NKAIN3: variants seen among roughly 807,000 people sequenced by gnomAD.
NKAIN3 encodes the protein sodium/potassium-transporting ATPase subunit beta-1-interacting protein 3.
In NKAIN3, 25 loss-of-function variants were observed where a neutral mutation model predicts 30.2. The observed-to-expected ratio is 0.83, with a 90% confidence interval of 0.60 to 1.16. The LOEUF (loss-of-function observed/expected upper bound fraction) is 1.16. NKAIN3 is among the 50% of genes most tolerant of loss of function. The probability of loss-of-function intolerance (pLI) is 0.00; values close to 1 mark genes in which losing one functional copy is unlikely to be tolerated. For missense variants in NKAIN3, 225 were observed against 254.1 expected (o/e 0.89, Z 0.78); for synonymous variants, 91 against 89.6 (o/e 1.02, Z -0.09).
intron 1 of NKAIN3, among the ~76,000 whole-genome samples, chr8:62,303,605 C>T (rs1352347348): frequency 6.7e-6 from 1 of 150,302 alleles, no homozygotes; most frequent in East Asian, 1.9e-4. Context: ...ACAGACAATC[C>T]ACTTTATTGC....
At chr8:62,447,165 G>A (rs1227910850) in intron 1 of NKAIN3, among the ~76,000 whole-genome samples, 2 of 151,914 alleles carry the variant, frequency 1.3e-5, no homozygotes. Context: ...AGACAAAATC[G>A]GCACAAAACA....
At chr8:62,860,468 T>G (rs1820207022) in intron 4 of NKAIN3, among the ~76,000 whole-genome samples, 1 of 152,238 alleles carries the variant, frequency 6.6e-6, no homozygotes, top group South Asian at 2.1e-4. Flanking sequence ...TGCTTTTTTC[T>G]CCCTCGCTTC....
At chr8:62,540,917 T>C (rs1808817018) in intron 1 of NKAIN3, among the ~76,000 whole-genome samples, 1 of 152,188 alleles carries the variant, frequency 6.6e-6, no homozygotes, top group African/African-American at 2.4e-5. Flanking sequence ...ATCATTCAAA[T>C]GGGAGTTTGG....
At position 62,579,655 on chromosome 8, in the gene NKAIN3, C is replaced by T; in HGVS notation, c.171C>T (p.Tyr57=). The T allele has an allele frequency of 6.4e-7, 1 of 1,561,662 alleles. No individual in the cohort carries two copies. The highest frequency in any genetic ancestry group is 8.7e-7 in the Non-Finnish European group (1 of 1,152,304). The stretch of plus-strand genomic sequence containing the variant: ...TGGGTTTGTTTGGGACCATTCAGTA[C>T]AGACCTCGATACATAATGGTGGTAA... The part of the protein sequence containing the change: ...VILGLFGTIQ[Y]RPRYIMVYTV... The change falls in exon 2 of 7, where the codon TAC becomes TAT. Residue 57 remains tyrosine (Y), a synonymous_variant. Coordinates refer to ENST00000623646, the MANE Select transcript of NKAIN3 (RefSeq NM_001304533.3).
At chr8:62,404,105 T>C (rs1803980592) in intron 1 of NKAIN3, among the ~76,000 whole-genome samples, 1 of 152,236 alleles carries the variant, frequency 6.6e-6, no homozygotes, top group African/African-American at 2.4e-5. Flanking sequence ...CCCCTTTGTT[T>C]TGGCCAATTT....
At chr8:62,705,311 TGA>T (rs1814483149) in intron 3 of NKAIN3, among the ~76,000 whole-genome samples, 1 of 152,190 alleles carries the variant, frequency 6.6e-6, no homozygotes, top group African/African-American at 2.4e-5. Context: ...TTTGAGGAAC[TGA>T]GAGAGTTTAA....
rs1224044371 is a variant in NKAIN3 at position 62,966,021 on chromosome 8, T to G, written c.*614T>G. 2 of 984,690 alleles carry G rather than the reference T, an allele frequency of 2.0e-6. No individual in the cohort carries two copies. Among genetic ancestry groups the G allele is most frequent in the Admixed American group, 6.2e-5 (1 of 16,260 alleles). 61.0% of individuals were successfully genotyped at this position (984,690 alleles called of 1,614,324 possible). A position where few individuals can be genotyped will look rare whatever the true frequency, so the allele number is the denominator to read the frequency against. The stretch of plus-strand genomic sequence containing the variant: ...CAATCTAAATTTTCAGATTCGTGCA[T>G]ATCTTGTTTTTCCTGATATATATAT... On this transcript the variant is annotated 3_prime_UTR_variant, in exon 7 of 7. Coordinates refer to ENST00000623646, the MANE Select transcript of NKAIN3 (RefSeq NM_001304533.3).
chr8:62,917,525 C>T (rs2130856920), intron 4 of NKAIN3, among the ~76,000 whole-genome samples: 1 of 152,320 alleles, frequency 6.6e-6, no homozygotes, highest in African/African-American at 2.4e-5. Flanking sequence ...TTCACATGGG[C>T]AGTCAAAAGC....
intron 4 of NKAIN3, among the ~76,000 whole-genome samples, chr8:62,832,264 C>A (rs1212220566): frequency 1.2e-5 from 1 of 82,626 alleles, no homozygotes; most frequent in Non-Finnish European, 2.6e-5. Flanking sequence ...AACAGACACA[C>A]ACACACACAC....
intron 1 of NKAIN3, among the ~76,000 whole-genome samples, chr8:62,419,409 AG>A (rs1804561716): frequency 1.3e-5 from 2 of 152,176 alleles, no homozygotes; most frequent in African/African-American, 4.8e-5. Context: ...TCTCCCACCC[AG>A]GAAAGAACTC....
chr8:62,872,856 C>T (rs1044065320), intron 4 of NKAIN3, among the ~76,000 whole-genome samples: 2 of 152,008 alleles, frequency 1.3e-5, no homozygotes, highest in African/African-American at 4.8e-5. Context: ...TTCAAGAGCT[C>T]CTGAAAGCAC....
At chr8:62,997,214 A>G (rs10099792) in intron 5 of NKAIN3, among the ~76,000 whole-genome samples, 13,951 of 152,300 alleles carry the variant, frequency 0.092, 896 homozygotes, top group East Asian at 0.21. Flanking sequence ...TTTGGAAAAA[A>G]GTTGCTTCTG....
At chr8:62,258,106 T>C (rs1442147492) in intron 1 of NKAIN3, among the ~76,000 whole-genome samples, 1 of 152,188 alleles carries the variant, frequency 6.6e-6, no homozygotes, top group Non-Finnish European at 1.5e-5. Flanking sequence ...TTTCAGTCTC[T>C]AGGATTGGAA....
At chr8:62,487,895 CAA>C (rs1585863202) in intron 1 of NKAIN3, among the ~76,000 whole-genome samples, 1 of 152,086 alleles carries the variant, frequency 6.6e-6, no homozygotes, top group Non-Finnish European at 1.5e-5. Context: ...AGGAAAATGA[CAA>C]AGAGTAAATC....
rs1038487073 is a variant in NKAIN3 at position 62,970,789 on chromosome 8, G to A, written c.*5382G>A. On this transcript the variant is annotated 3_prime_UTR_variant, in exon 7 of 7. Transcript: ENST00000623646. ...GTTTCTTTGATTGACTAAAAACATT[G>A]AATCATTTTCCATGTAAGGCATGTT... 6.6e-5 allele frequency among the ~76,000 whole-genome samples: 10 copies of A among 152,104 alleles called. No individual in the cohort carries two copies. Among genetic ancestry groups the A allele is most frequent in the Admixed American group, 3.9e-4 (6 of 15,262 alleles).
chr8:62,684,253 G>GA (rs144473657), intron 3 of NKAIN3, among the ~76,000 whole-genome samples: 4,954 of 152,284 alleles, frequency 0.033, 283 homozygotes, highest in African/African-American at 0.11. Context: ...CACCAGCACA[G>GA]AAATTCTGGT....
intron 4 of NKAIN3, among the ~76,000 whole-genome samples, chr8:62,749,599 G>C (rs1467625524): frequency 2.0e-5 from 3 of 150,970 alleles, no homozygotes; most frequent in Non-Finnish European, 4.4e-5. Context: ...TGGTGTGACT[G>C]ATTTTTGTAT....
chr8:62,371,374 C>T (rs1816903675), intron 1 of NKAIN3, among the ~76,000 whole-genome samples: 1 of 151,938 alleles, frequency 6.6e-6, no homozygotes, highest in Non-Finnish European at 1.5e-5. Context: ...TTTAAACCTT[C>T]TTGATTAAAA....
At chr8:62,317,642 T>G (rs994139110) in intron 1 of NKAIN3, among the ~76,000 whole-genome samples, 5 of 152,214 alleles carry the variant, frequency 3.3e-5, no homozygotes, top group Non-Finnish European at 7.3e-5. Flanking sequence ...TATATCTCTG[T>G]TTTGGTACCA....
Sources: allele counts gnomAD v4.1 joint callset (sites outside exome capture counted in the v4.1 genomes callset), GRCh38; gene constraint gnomAD v4.1.1; transcripts MANE v1.5; gene names NCBI Gene and HGNC (gene_info 2026-07-23, HGNC 2026-07-21).